CEP350: variants seen among roughly 807,000 people sequenced by gnomAD.
CEP350 encodes the protein centrosomal protein 350.
Under a neutral mutation model 331.8 loss-of-function variants are expected in CEP350, and 126 were observed. The ratio of observed to expected loss-of-function variants is 0.38; its 90% CI spans 0.33 to 0.44. CEP350 has a LOEUF of 0.44. Among genes scored for constraint, CEP350 ranks in the 20% least tolerant of loss-of-function variants. The pLI is 1.00. For synonymous variants in CEP350, 1,200 were observed against 1,259.5 expected, an observed-to-expected ratio of 0.95 and a Z score of 1.00; for missense variants, 3,406 against 3,634.6, an observed-to-expected ratio of 0.94 and a Z score of 1.62.
chr1:180,049,224 T>C (rs1027624347), intron 22 of CEP350, among the ~76,000 whole-genome samples: 3 of 152,206 alleles, frequency 2.0e-5, no homozygotes, highest in Admixed American at 2.0e-4. Flanking sequence ...CTCAATAATA[T>C]AGTGTTTCTA....
intron 1 of CEP350, among the ~76,000 whole-genome samples, chr1:179,965,617 T>TTC (rs1558066004): frequency 9.9e-6 from 1 of 101,064 alleles, no homozygotes; most frequent in East Asian, 2.4e-4. Context: ...TTTCTTTTCT[T>TTC]TTTTTTTTTT....
chr1:180,081,520 T>C (rs995297231), intron 30 of CEP350, among the ~76,000 whole-genome samples: 1 of 152,240 alleles, frequency 6.6e-6, no homozygotes, highest in African/African-American at 2.4e-5. Flanking sequence ...TATGCAGTCA[T>C]GCATCACTTA....
At chr1:180,097,650 A>G (rs959098452) in intron 36 of CEP350, among the ~76,000 whole-genome samples, 3 of 152,246 alleles carry the variant, frequency 2.0e-5, no homozygotes, top group African/African-American at 7.2e-5. Context: ...CAATCAAACT[A>G]CATGCATCAA....
intron 13 of CEP350, among the ~76,000 whole-genome samples, 160 bp from the exon 14 acceptor site, chr1:180,024,259 A>G (rs1655519177): frequency 6.6e-6 from 1 of 152,164 alleles, no homozygotes; most frequent in Non-Finnish European, 1.5e-5. Flanking sequence ...CATAGGGAAC[A>G]ATCCAGGCTT....
chr1:180,069,412 A>T (rs1447747568), intron 27 of CEP350, among the ~76,000 whole-genome samples: 1 of 152,206 alleles, frequency 6.6e-6, no homozygotes. Flanking sequence ...GGCTTTTGAT[A>T]TTCCATTAAA....
At chr1:180,001,016 T>C (rs75340550) in intron 6 of CEP350, among the ~76,000 whole-genome samples, 5,297 of 152,286 alleles carry the variant, frequency 0.035, 173 homozygotes, top group South Asian at 0.071. Context: ...CTATTAGACA[T>C]GTAATTAATT....
intron 8 of CEP350, among the ~76,000 whole-genome samples, chr1:180,007,370 G>T (rs556929513): frequency 3.3e-5 from 5 of 151,910 alleles, no homozygotes; most frequent in South Asian, 2.1e-4. Context: ...GTGATGATGG[G>T]TTTTTTTTCA....
chr1:180,060,741 T>C (rs1658175266), intron 25 of CEP350, among the ~76,000 whole-genome samples: 1 of 152,188 alleles, frequency 6.6e-6, no homozygotes, highest in African/African-American at 2.4e-5. Flanking sequence ...TTAAAAGGCG[T>C]AAATTAGCAT....
intron 33 of CEP350, among the ~76,000 whole-genome samples, chr1:180,092,304 A>G (rs1406090895): frequency 6.6e-6 from 1 of 152,128 alleles, no homozygotes; most frequent in Non-Finnish European, 1.5e-5. Context: ...ATACAATTCT[A>G]TTTTTGCATG....
At chr1:180,053,696 T>A in intron 23 of CEP350, 54 bp from the exon 24 acceptor site, 1 of 1,078,720 alleles carries the variant, frequency 9.3e-7, no homozygotes, top group Non-Finnish European at 1.3e-6. Flanking sequence ...TTTAGTGGAA[T>A]TAAGTACCAA....
At chr1:180,087,007 T>G (rs575602452) in intron 31 of CEP350, among the ~76,000 whole-genome samples, 1 of 152,316 alleles carries the variant, frequency 6.6e-6, no homozygotes, top group African/African-American at 2.4e-5. Flanking sequence ...TAAGGAATGA[T>G]ATATTAAATG....
chr1:180,008,816 G>A (rs192468159), intron 8 of CEP350, among the ~76,000 whole-genome samples: 4 of 152,144 alleles, frequency 2.6e-5, no homozygotes, highest in Admixed American at 2.0e-4. Context: ...AGACCACCAG[G>A]GCAAAACTGA....
At chr1:179,992,441 G>A (rs1653166591) in intron 5 of CEP350, among the ~76,000 whole-genome samples, 1 of 152,102 alleles carries the variant, frequency 6.6e-6, no homozygotes, top group Admixed American at 6.6e-5. Context: ...ATAAATATTC[G>A]AGGGGGAAGA....
chr1:180,024,479 T>C lies in CEP350; in HGVS notation c.3447T>C (p.Ser1149=), dbSNP rs781446887. The C allele has an allele frequency of 7.4e-6, 12 of 1,613,392 alleles. No individual in the cohort carries two copies. The highest frequency in any genetic ancestry group is 1.0e-5 in the Non-Finnish European group (12 of 1,179,616). The change falls in exon 14 of 38, where the codon TCT becomes TCC. Residue 1149 remains serine, a synonymous_variant. Transcript: ENST00000367607. ...SNRKSAYDPS[S]VDVTSQHSSG... ...GAAAGTCTGCCTATGATCCTTCCTC[T>C]GTGGATGTTACCTCCCAGCATTCAT...
intron 11 of CEP350, among the ~76,000 whole-genome samples, chr1:180,019,436 G>A (rs981734459): frequency 1.3e-5 from 2 of 152,010 alleles, no homozygotes; most frequent in African/African-American, 2.4e-5. Flanking sequence ...TCCCTATTTA[G>A]CATGTACATT....
At chr1:180,104,091 T>C (rs1661008603) in intron 37 of CEP350, among the ~76,000 whole-genome samples, 1 of 148,298 alleles carries the variant, frequency 6.7e-6, no homozygotes, top group Admixed American at 6.7e-5. Context: ...ATTTTAAATA[T>C]ACAAATATTT....
At chr1:180,055,161 T>C (rs1347117016) in intron 25 of CEP350, among the ~76,000 whole-genome samples, 2 of 152,220 alleles carry the variant, frequency 1.3e-5, no homozygotes, top group Non-Finnish European at 2.9e-5. Flanking sequence ...GAGCAGACTG[T>C]GGCACAATGG....
rs1266388256 is a variant in CEP350, at chr1:180,078,649, A to C, written c.5954A>C (p.Glu1985Ala). ...GAAATGATTTGTTCACAGGAACTAG[A>C]ATCTTCTACCTCTCCTAGTAAACAT... ...TEEMICSQEL[E>A]SSTSPSKHSL... Residue 1985 changes from glutamate (E) to alanine (A), a missense_variant, in exon 29 of 38, where the codon GAA becomes GCA. By Grantham distance (107) the Glu-to-Ala change is moderately radical (BLOSUM62 -1). This residue lies in a region of CEP350 where 1,415 missense variants were observed against 1,512.3 expected (regional missense o/e 0.94). Transcript: ENST00000367607. 3 of 1,609,062 alleles carry C rather than the reference A, an allele frequency of 1.9e-6. No homozygotes were observed. Among genetic ancestry groups the C allele is most frequent in the Non-Finnish European group, 2.5e-6 (3 of 1,177,474 alleles).
intron 1 of CEP350, among the ~76,000 whole-genome samples, chr1:179,966,591 C>T (rs1651032050): frequency 6.6e-6 from 1 of 152,028 alleles, no homozygotes. Flanking sequence ...ACAAAGGGGG[C>T]TAGAACACAA....
Sources: gnomAD v4.1 joint callset for allele counts (sites outside exome capture counted in the v4.1 genomes callset) on GRCh38, gnomAD v4.1.1 for gene constraint, gnomAD v4.1.1 regional missense constraint, MANE v1.5 for transcripts, NCBI Gene and HGNC (gene_info 2026-07-23, HGNC 2026-07-21) for gene names.